Variants in NF1 observed in about 807,000 individuals in gnomAD.
NF1 encodes the protein neurofibromin 1, also known as neurofibromin.
NF1 carries 122 observed loss-of-function variants against 325.7 expected under a neutral mutation model. The ratio of observed to expected loss-of-function variants is 0.37; its 90% confidence interval spans 0.32 to 0.44. The LOEUF is 0.44. Ranked by LOEUF, NF1 falls within the 20% of genes least tolerant of loss-of-function variation. The probability of loss-of-function intolerance (pLI) is 1.00; values close to 1 mark genes in which losing one functional copy is unlikely to be tolerated. For synonymous variants in NF1, 1,091 were observed against 1,186.0 expected, an observed-to-expected ratio of 0.92 and a Z score of 1.65; for missense variants, 2,140 against 3,415.4, an observed-to-expected ratio of 0.63 and a Z score of 9.31.
chr17:31,207,995 A>G (rs1261419346), intron 12 of NF1, among the ~76,000 whole-genome samples: 1 of 152,154 alleles, frequency 6.6e-6, no homozygotes, highest in Non-Finnish European at 1.5e-5. Context: ...TAAAAATGAA[A>G]CTAAATGATT....
intron 51 of NF1, among the ~76,000 whole-genome samples, chr17:31,354,657 A>AG (rs1438790703): frequency 1.3e-5 from 2 of 152,172 alleles, no homozygotes; most frequent in African/African-American, 4.8e-5. Flanking sequence ...AGCAAAAAAA[A>AG]TGGTGTGGGC....
intron 36 of NF1, among the ~76,000 whole-genome samples, chr17:31,285,171 G>A (rs376418563): frequency 4.6e-5 from 7 of 151,618 alleles, no homozygotes; most frequent in African/African-American, 1.7e-4. Context: ...CAGCTACTTG[G>A]GAGGGTGAGA....
At position 31,233,183 on chromosome 17, in the gene NF1, T is replaced by C. The variant is rs776473273; in HGVS notation, c.3678T>C (p.Ala1226=). 2.5e-6 allele frequency: 4 copies of C among 1,614,178 alleles called. No homozygotes were observed. In the Admixed American group the frequency reaches 6.7e-5, roughly 27 times the overall value. Residue 1226 remains alanine, a synonymous_variant, in exon 27 of 58, where the codon GCT becomes GCC. Coordinates refer to ENST00000358273, the MANE Select transcript of NF1 (RefSeq NM_001042492.3). ...AAGGAGAACTCCCTATAGCGATGGCTCTGGCCAATGTGGTTCCTTGTTCTC... is the reference window on the plus strand; with the variant it reads ...AAGGAGAACTCCCTATAGCGATGGCCCTGGCCAATGTGGTTCCTTGTTCTC... The part of the protein sequence containing the change: ...GDQGELPIAM[A]LANVVPCSQW...
chr17:31,291,946 A>T (rs2068351351), intron 36 of NF1, among the ~76,000 whole-genome samples: 1 of 152,244 alleles, frequency 6.6e-6, no homozygotes, highest in Non-Finnish European at 1.5e-5. Flanking sequence ...GGGTTTGGAC[A>T]TACAGATGTG....
intron 14 of NF1, among the ~76,000 whole-genome samples, chr17:31,220,594 G>A (rs1567844538): frequency 6.6e-6 from 1 of 152,032 alleles, no homozygotes; most frequent in South Asian, 2.1e-4. Context: ...TTTTAACTTG[G>A]TGAGCTGTTA....
chr17:31,203,851 G>A (rs1009637722), intron 11 of NF1, among the ~76,000 whole-genome samples: 1 of 152,020 alleles, frequency 6.6e-6, no homozygotes, highest in African/African-American at 2.4e-5. Flanking sequence ...TGTAGAAGTA[G>A]TAAGGTGTTT....
At chr17:31,313,720 A>AATGTGTGTGTG (rs1491534857) in intron 36 of NF1, among the ~76,000 whole-genome samples, 1 of 101,186 alleles carries the variant, frequency 9.9e-6, no homozygotes, top group African/African-American at 3.8e-5. Context: ...AAAAAAAAAA[A>AATGTGTGTGTG]TATGTGTGTG....
intron 1 of NF1, among the ~76,000 whole-genome samples, chr17:31,134,641 C>T (rs1168237565): frequency 2.0e-5 from 3 of 152,176 alleles, no homozygotes; most frequent in Non-Finnish European, 4.4e-5. Flanking sequence ...CTGTAGTAAT[C>T]TGAAGGCTTG....
rs970822749 is a variant in NF1 at position 31,128,116 on chromosome 17, A to T, written c.61-27867A>T. 3.2e-3 allele frequency among the ~76,000 whole-genome samples: 353 copies of T among 111,908 alleles called. 1 individual carries two copies. The highest frequency in any genetic ancestry group is 9.6e-3 in the African/African-American group (298 of 31,072). 73.4% of individuals were successfully genotyped at this position (111,908 alleles called of 152,430 possible). Reference sequence around the variant, plus strand: ...GCCACCATGCCTGGCTGATTTTTGTATTTTTTTTTTTTTTTTTTAGAGATG... The same window carrying T: ...GCCACCATGCCTGGCTGATTTTTGTTTTTTTTTTTTTTTTTTTTAGAGATG... On this transcript the variant is annotated intron_variant, in intron 1 of 57. Transcript: ENST00000358273.
At chr17:31,238,549 A>G (rs991047091) in intron 29 of NF1, among the ~76,000 whole-genome samples, 2 of 152,136 alleles carry the variant, frequency 1.3e-5, no homozygotes, top group African/African-American at 4.8e-5. Context: ...ACTGTCTAAC[A>G]TGGTGAAACC....
Position 31,296,189 on chromosome 17 carries a change from G to A in NF1, c.4836-29631G>A. The A allele has an allele frequency of 1.2e-6, 2 of 1,613,718 alleles. No individual in the cohort carries two copies. The highest frequency in any genetic ancestry group is 1.7e-6 in the Non-Finnish European group (2 of 1,179,688). On this transcript the variant is annotated intron_variant, in intron 36 of 57. Coordinates refer to ENST00000358273, the MANE Select transcript of NF1 (RefSeq NM_001042492.3). ...ATTCTCTTGCAGTCCAGATGGTAAT[G>A]TAGACAAGTTTCTGCCTGAACAGTC...
At chr17:31,260,252 AG>A in intron 33 of NF1, 116 bp from the exon 34 acceptor site, 1 of 1,074,250 alleles carries the variant, frequency 9.3e-7, no homozygotes, top group Non-Finnish European at 1.4e-6. Context: ...TGTGTGAACA[AG>A]CCCTCCATAT....
intron 24 of NF1, among the ~76,000 whole-genome samples, chr17:31,231,540 C>A (rs1016659653): frequency 3.3e-5 from 5 of 152,148 alleles, no homozygotes; most frequent in African/African-American, 1.2e-4. Flanking sequence ...ATGCTCAAGT[C>A]CCTGACTTAA....
At chr17:31,296,080 G>A (rs2151499865) in intron 36 of NF1, 2 of 1,613,508 alleles carry the variant, frequency 1.2e-6, no homozygotes, top group South Asian at 1.1e-5. Flanking sequence ...TGTTTGAAAT[G>A]TCCAGGGTCC....
At chr17:31,166,313 C>T (rs908063982) in intron 4 of NF1, among the ~76,000 whole-genome samples, 1 of 152,128 alleles carries the variant, frequency 6.6e-6, no homozygotes, top group South Asian at 2.1e-4. Flanking sequence ...TCATTTAAAA[C>T]GTATTTTACG....
chr17:31,353,956 G>A (rs1343765255), intron 51 of NF1, among the ~76,000 whole-genome samples: 1 of 152,200 alleles, frequency 6.6e-6, no homozygotes, highest in Non-Finnish European at 1.5e-5. Flanking sequence ...ACTGTTGTTT[G>A]AGTTCCCTTC....
At chr17:31,354,922 G>C (rs1027274855) in intron 51 of NF1, among the ~76,000 whole-genome samples, 2 of 152,180 alleles carry the variant, frequency 1.3e-5, no homozygotes, top group African/African-American at 2.4e-5. Flanking sequence ...GACTGTGAAG[G>C]ATGTCAGAAG....
intron 39 of NF1, among the ~76,000 whole-genome samples, chr17:31,333,731 G>A (rs905212070): frequency 1.3e-5 from 2 of 152,214 alleles, no homozygotes; most frequent in African/African-American, 2.4e-5. Context: ...ATGGATGGTG[G>A]TGATGGCTGC....
At chr17:31,298,860 C>T (rs938762432) in intron 36 of NF1, among the ~76,000 whole-genome samples, 8 of 151,982 alleles carry the variant, frequency 5.3e-5, no homozygotes, top group South Asian at 2.1e-4. Context: ...GTCAATTTAC[C>T]GACCACTTAA....
Sources: allele counts gnomAD v4.1 joint callset (sites outside exome capture counted in the v4.1 genomes callset), GRCh38; gene constraint gnomAD v4.1.1; transcripts MANE v1.5; gene names NCBI Gene and HGNC (gene_info 2026-07-23, HGNC 2026-07-21).